Variants in ARHGAP39 observed in about 807,000 individuals in gnomAD.
ARHGAP39 encodes Rho GTPase activating protein 39, also known as rho GTPase-activating protein 39.
In ARHGAP39, 44 loss-of-function variants were observed where a neutral mutation model predicts 106.9. That is an observed-to-expected ratio of 0.41 (90% CI 0.32 to 0.53). ARHGAP39 has a LOEUF of 0.53. Ranked by LOEUF, ARHGAP39 falls within the 20% of genes least tolerant of loss-of-function variation. The pLI, the probability that ARHGAP39 is intolerant of heterozygous loss-of-function variation, is 0.21. For synonymous variants in ARHGAP39, 768 were observed against 693.2 expected, an observed-to-expected ratio of 1.11 and a Z score of -1.69; for missense variants, 1,496 against 1,577.3, an observed-to-expected ratio of 0.95 and a Z score of 0.87.
intron 1 of ARHGAP39, among the ~76,000 whole-genome samples, chr8:144,612,188 C>T (rs1397442090): frequency 1.5e-5 from 2 of 129,736 alleles, no homozygotes; most frequent in Non-Finnish European, 3.3e-5. Flanking sequence ...ACGGCTGCGC[C>T]GCTGCACTCC....
chr8:144,614,669 C>T (rs1820589049), intron 1 of ARHGAP39, among the ~76,000 whole-genome samples: 1 of 152,156 alleles, frequency 6.6e-6, no homozygotes, highest in South Asian at 2.1e-4. Flanking sequence ...TATTCTTGAG[C>T]TTTGTTTTGG....
chr8:144,628,351 C>T (rs1019522646), intron 1 of ARHGAP39, among the ~76,000 whole-genome samples: 7 of 152,058 alleles, frequency 4.6e-5, no homozygotes, highest in African/African-American at 1.7e-4. Flanking sequence ...ATGAGAGCTA[C>T]AGCAGGAAAA....
intron 3 of ARHGAP39, among the ~76,000 whole-genome samples, chr8:144,572,359 A>C (rs1054381184): frequency 1.3e-5 from 2 of 152,216 alleles, no homozygotes; most frequent in African/African-American, 4.8e-5. Flanking sequence ...CAAACCTTAC[A>C]AAAACAAGAA....
chr8:144,581,039 G>A lies in ARHGAP39; in HGVS notation c.319C>T (p.Gln107Ter). The A allele has an allele frequency of 6.3e-7, 1 of 1,584,852 alleles. No homozygotes were observed. Among genetic ancestry groups the A allele is most frequent in the Non-Finnish European group, 8.6e-7 (1 of 1,165,942 alleles). Residue 107 changes from glutamine (Q) to a stop codon, truncating the protein, a stop_gained, in exon 3 of 12, where the codon CAG (glutamine) becomes TAG (stop). Coordinates refer to ENST00000377307, the MANE Select transcript of ARHGAP39 (RefSeq NM_025251.3). LOFTEE classifies it high-confidence loss of function. ...GCDIIPLAKL[Q>*]TLKQNTESPR... ...GACTCCGTGTTCTGCTTCAGCGTCT[G>A]CAGCTTGGCCAGCGGGATGATGTCG...
At chr8:144,610,380 TA>T (rs1333020793) in intron 1 of ARHGAP39, among the ~76,000 whole-genome samples, 1 of 152,182 alleles carries the variant, frequency 6.6e-6, no homozygotes, top group Admixed American at 6.5e-5. Flanking sequence ...TCTAATTTCC[TA>T]AGCTAGAAGC....
intron 2 of ARHGAP39, among the ~76,000 whole-genome samples, chr8:144,601,491 T>G (rs1382116429): frequency 7.6e-6 from 1 of 131,900 alleles, no homozygotes; most frequent in Non-Finnish European, 1.5e-5. Context: ...CATGTACCTG[T>G]GTGTGTGTGC....
intron 1 of ARHGAP39, among the ~76,000 whole-genome samples, chr8:144,609,701 C>T (rs1244264297): frequency 6.6e-6 from 1 of 152,130 alleles, no homozygotes; most frequent in Non-Finnish European, 1.5e-5. Flanking sequence ...CGCGCCTGGC[C>T]ATATTGTCCT....
At chr8:144,688,987 G>T (rs374217570), upstream of ARHGAP39, among the ~76,000 whole-genome samples, 54 of 152,344 alleles carry the variant, frequency 3.5e-4, no homozygotes, top group African/African-American at 1.2e-3. Context: ...GTCTGCTCCT[G>T]AGCCGGGGTG....
chr8:144,582,680 G>A (rs1000892558), intron 2 of ARHGAP39, among the ~76,000 whole-genome samples: 20 of 152,328 alleles, frequency 1.3e-4, no homozygotes, highest in African/African-American at 3.8e-4. Context: ...CAGGGGTCTG[G>A]CTGCAGGAGG....
chr8:144,583,382 G>A (rs895464463), intron 2 of ARHGAP39, among the ~76,000 whole-genome samples: 14 of 152,222 alleles, frequency 9.2e-5, no homozygotes, highest in South Asian at 4.1e-4. Context: ...AGGAAGTGGC[G>A]CACGCATTGT....
chr8:144,660,965 A>C (rs1043578646), intron 1 of ARHGAP39, among the ~76,000 whole-genome samples: 2 of 152,026 alleles, frequency 1.3e-5, no homozygotes, highest in Non-Finnish European at 2.9e-5. Context: ...AGCCTGGGTG[A>C]CAGAATGAGA....
At chr8:144,614,971 T>G (rs569044812) in intron 1 of ARHGAP39, among the ~76,000 whole-genome samples, 1 of 152,348 alleles carries the variant, frequency 6.6e-6, no homozygotes, top group East Asian at 1.9e-4. Flanking sequence ...ATCAGTATGA[T>G]GTTGAAAAAC....
At chr8:144,572,592 A>G (rs964682077) in intron 3 of ARHGAP39, among the ~76,000 whole-genome samples, 4 of 152,252 alleles carry the variant, frequency 2.6e-5, no homozygotes, top group African/African-American at 9.6e-5. Flanking sequence ...CTAAAACACC[A>G]AAAACAATGG....
At chr8:144,536,616 C>T (rs1414176285) in intron 7 of ARHGAP39, among the ~76,000 whole-genome samples, 1 of 152,186 alleles carries the variant, frequency 6.6e-6, no homozygotes, top group African/African-American at 2.4e-5. Flanking sequence ...TTGCAGCTGG[C>T]CCTCTTCTCC....
chr8:144,544,628 GA>G (rs1177583443), intron 6 of ARHGAP39, among the ~76,000 whole-genome samples: 1 of 152,258 alleles, frequency 6.6e-6, no homozygotes, highest in African/African-American at 2.4e-5. Context: ...CAGCACACCT[GA>G]AGCATCGTCT....
chr8:144,557,586 A>G (rs1383620494), intron 3 of ARHGAP39, among the ~76,000 whole-genome samples: 3 of 151,602 alleles, frequency 2.0e-5, no homozygotes, highest in Non-Finnish European at 4.4e-5. Context: ...CAAAAGGCTG[A>G]ACCTTCGTAG....
intron 1 of ARHGAP39, among the ~76,000 whole-genome samples, chr8:144,659,156 C>T (rs375817579): frequency 7.9e-5 from 12 of 152,230 alleles, no homozygotes; most frequent in African/African-American, 2.4e-4. Flanking sequence ...CCAGGGAACT[C>T]GACACAAACA....
intron 1 of ARHGAP39, among the ~76,000 whole-genome samples, chr8:144,661,525 C>T (rs560442808): frequency 6.6e-6 from 1 of 152,270 alleles, no homozygotes; most frequent in South Asian, 2.1e-4. Flanking sequence ...AAAACAGCCT[C>T]TAACCAGCCT....
Position 144,534,231 on chromosome 8 carries a change from GATGTGGGT to G in ARHGAP39, c.2615-37_2615-30del, listed in dbSNP as rs368532781. ...GAAAGGAAAGGGGCCTGATCAGCCT[GATGTGGGT>G]GTGTGGGTGTGGGGCCAGGAGAGGG... is the stretch of plus-strand genomic sequence containing the variant. On this transcript the variant is annotated intron_variant, in intron 7 of 11. Coordinates refer to ENST00000377307, the MANE Select transcript of ARHGAP39 (RefSeq NM_025251.3). The G allele has an allele frequency of 8.0e-4, 1,289 of 1,612,520 alleles. 12 individuals are homozygous for G. In the African/African-American group the frequency reaches 0.015, roughly 19 times the overall value.
Sources: allele counts gnomAD v4.1 joint callset (sites outside exome capture counted in the v4.1 genomes callset), GRCh38; gene constraint gnomAD v4.1.1; transcripts MANE v1.5; gene names NCBI Gene and HGNC (gene_info 2026-07-23, HGNC 2026-07-21).